STYX: variants seen among roughly 807,000 people sequenced by gnomAD.
STYX encodes serine/threonine/tyrosine interacting protein, also known as serine/threonine/tyrosine-interacting protein.
STYX carries 20 observed loss-of-function variants against 42.7 expected under a neutral mutation model. The observed-to-expected ratio is 0.47, with a 90% CI of 0.33 to 0.68. The LOEUF (loss-of-function observed/expected upper bound fraction) is 0.68. Among genes scored for constraint, STYX ranks in the 30% least tolerant of loss-of-function variants. STYX has a pLI of 0.02. For missense variants in STYX, 226 were observed against 268.5 expected (o/e 0.84, Z 1.11); for synonymous variants, 78 against 81.9 (o/e 0.95, Z 0.26).
At chr14:52,731,137 G>T (rs79946579) in intron 1 of STYX, among the ~76,000 whole-genome samples, 3,466 of 152,212 alleles carry the variant, frequency 0.023, 63 homozygotes, top group South Asian at 0.053. Context: ...TTTCTAATTT[G>T]TGGCTATTTT....
chr14:52,773,591 GC>G lies in STYX; in HGVS notation c.*2487del, dbSNP rs1882606969. On this transcript the variant is annotated 3_prime_UTR_variant, in exon 11 of 11. Coordinates refer to ENST00000354586, the MANE Select transcript of STYX (RefSeq NM_145251.4). The stretch of plus-strand genomic sequence containing the variant: ...GACCTCAAGTGATCCACCCACCTCG[GC>G]CTCCCAAAGTGCTGGGATTACAGGC... 1 of 152,054 alleles carries G rather than the reference GC, an allele frequency of 6.6e-6. No individual in the cohort carries two copies. The highest frequency in any genetic ancestry group is 2.4e-5 in the African/African-American group (1 of 41,394). 9.4% of individuals were successfully genotyped at this position (152,054 alleles called of 1,614,324 possible).
chr14:52,730,461 C>T lies in STYX; in HGVS notation c.-14C>T, dbSNP rs577711867. ...CACTCTCCCACCCCACCCACCAGCCCGCGGGCCAGCACCATGGAGGACGTG... is the reference window on the plus strand; with the variant it reads ...CACTCTCCCACCCCACCCACCAGCCTGCGGGCCAGCACCATGGAGGACGTG... On this transcript the variant is annotated 5_prime_UTR_variant, in exon 1 of 11. Transcript: ENST00000354586. 6.2e-7 allele frequency: 1 copy of T among 1,613,226 alleles called. No homozygotes were observed. The highest frequency in any genetic ancestry group is 8.5e-7 in the Non-Finnish European group (1 of 1,179,710).
At chr14:52,753,620 T>C (rs1057376097) in intron 4 of STYX, among the ~76,000 whole-genome samples, 2 of 152,204 alleles carry the variant, frequency 1.3e-5, no homozygotes, top group Non-Finnish European at 2.9e-5. Context: ...CCTGTGCACA[T>C]TCTCTCATAT....
At chr14:52,755,523 A>G (rs1314977679) in intron 4 of STYX, among the ~76,000 whole-genome samples, 1 of 152,216 alleles carries the variant, frequency 6.6e-6, no homozygotes, top group African/African-American at 2.4e-5. Flanking sequence ...TCTTAAAACT[A>G]ATTTAATAAC....
At chr14:52,749,070 C>T (rs555255360) in intron 3 of STYX, among the ~76,000 whole-genome samples, 15 of 152,330 alleles carry the variant, frequency 9.8e-5, no homozygotes, top group Admixed American at 3.3e-4. Flanking sequence ...AAACAACAGA[C>T]GATTATTTGA....
chr14:52,753,215 A>T (rs192779463), intron 4 of STYX, among the ~76,000 whole-genome samples: 128 of 151,582 alleles, frequency 8.4e-4, no homozygotes, highest in Non-Finnish European at 1.5e-3. Context: ...ACTCCCAGAT[A>T]ATTTTTTTTG....
rs36115577 is a variant in STYX, at chr14:52,774,591, A to ATTTTTTTTTTTTT, written c.*3490_*3502dup. On this transcript the variant is annotated 3_prime_UTR_variant, in exon 11 of 11. Coordinates refer to ENST00000354586, the MANE Select transcript of STYX (RefSeq NM_145251.4). Reference sequence around the variant, plus strand: ...GTCTCTAGGGTCTTTGAATGCTGGAATTTTTTTTTTTTTTTTTGTCTTTCC... The same window carrying ATTTTTTTTTTTTT: ...GTCTCTAGGGTCTTTGAATGCTGGAATTTTTTTTTTTTTTTTTTTTTTTTTTTTTTGTCTTTCC... 3 of 136,264 alleles carry ATTTTTTTTTTTTT rather than the reference A, an allele frequency of 2.2e-5. No homozygotes were observed. The highest frequency in any genetic ancestry group is 2.7e-5 in the African/African-American group (1 of 37,052). 8.4% of individuals were successfully genotyped at this position (136,264 alleles called of 1,614,324 possible). A position where few individuals can be genotyped will look rare whatever the true frequency, so the allele number is the denominator to read the frequency against.
At chr14:52,746,383 T>C in intron 2 of STYX, 43 bp from the exon 3 acceptor site, 1 of 1,476,708 alleles carries the variant, frequency 6.8e-7, no homozygotes, top group South Asian at 1.2e-5. Flanking sequence ...CCTTATAGAT[T>C]TAAATTGCTG....
Position 52,771,250 on chromosome 14 carries a change from T to C in STYX, c.*144T>C. 1 of 660,806 alleles carries C rather than the reference T, an allele frequency of 1.5e-6. No homozygotes were observed. The highest frequency in any genetic ancestry group is 2.5e-6 in the Non-Finnish European group (1 of 406,312). 40.9% of individuals were successfully genotyped at this position (660,806 alleles called of 1,614,324 possible). A position where few individuals can be genotyped will look rare whatever the true frequency, so the allele number is the denominator to read the frequency against. ...CCAGACATACTTCTCTGCAACTTGTTGAGCAACATTTTAAGATGTTGGACT... is the reference window on the plus strand; with the variant it reads ...CCAGACATACTTCTCTGCAACTTGTCGAGCAACATTTTAAGATGTTGGACT... On this transcript the variant is annotated 3_prime_UTR_variant, in exon 11 of 11. Transcript: ENST00000354586.
rs1479883874 is a variant in STYX, at chr14:52,755,128, T to TG, written c.243-1423_243-1422insG. 2.5e-3 allele frequency among the ~76,000 whole-genome samples: 376 copies of TG among 150,954 alleles called. 3 individuals are homozygous for TG. The highest frequency in any genetic ancestry group is 8.1e-3 in the African/African-American group (333 of 41,142). On this transcript the variant is annotated intron_variant, in intron 4 of 10. Coordinates refer to ENST00000354586, the MANE Select transcript of STYX (RefSeq NM_145251.4). ...TTTTTTGTTTGTTTTTTTGTTTTTT[T>TG]TTTTTTGTTTTTGAAACAGAGTCTT...
chr14:52,774,989 A>T lies in STYX; in HGVS notation c.*3883A>T, dbSNP rs1040977953. ...ACTGCTGTGCCATTATACCTCCAAA[A>T]TATTGAAAAGCTCATTCATACTGCT... On this transcript the variant is annotated 3_prime_UTR_variant, in exon 11 of 11. Coordinates refer to ENST00000354586, the MANE Select transcript of STYX (RefSeq NM_145251.4). The T allele has an allele frequency of 1.4e-4, 21 of 152,194 alleles. No homozygotes were observed. Among genetic ancestry groups the T allele is most frequent in the African/African-American group, 1.9e-4 (8 of 41,452 alleles). The allele number at this position is 152,194 out of a possible 1,614,324, so 9.4% of individuals were successfully genotyped here. A position where few individuals can be genotyped will look rare whatever the true frequency, so the allele number is the denominator to read the frequency against.
chr14:52,769,802 T>C (rs954992018), intron 10 of STYX, among the ~76,000 whole-genome samples: 2 of 152,116 alleles, frequency 1.3e-5, no homozygotes, highest in Admixed American at 6.6e-5. Flanking sequence ...TCTTGTTATT[T>C]GGTCTGTTCT....
intron 10 of STYX, among the ~76,000 whole-genome samples, chr14:52,769,153 C>T (rs758133524): frequency 2.6e-5 from 4 of 152,030 alleles, no homozygotes; most frequent in Non-Finnish European, 5.9e-5. Flanking sequence ...TAAAATAATA[C>T]GAATCTGGAG....
intron 1 of STYX, among the ~76,000 whole-genome samples, chr14:52,739,863 T>A (rs1005929265): frequency 1.3e-5 from 2 of 152,010 alleles, no homozygotes; most frequent in African/African-American, 4.8e-5. Context: ...AGGCTGGTCT[T>A]GAACTCGGGC....
chr14:52,768,723 T>C, intron 9 of STYX, 117 bp from the exon 10 acceptor site: 1 of 618,240 alleles, frequency 1.6e-6, no homozygotes, highest in South Asian at 3.5e-5. Context: ...TCAAACAATA[T>C]GGCACTAGAT....
chr14:52,746,317 G>C, intron 2 of STYX, 109 bp from the exon 3 acceptor site: 1 of 706,626 alleles, frequency 1.4e-6, no homozygotes, highest in East Asian at 3.2e-5. Context: ...TTCCAATCTT[G>C]TTGTATCTTG....
intron 8 of STYX, 98 bp from the exon 9 acceptor site, chr14:52,759,584 C>T: frequency 1.3e-6 from 1 of 798,866 alleles, no homozygotes; most frequent in Non-Finnish European, 2.1e-6. Flanking sequence ...CATGCTTTTT[C>T]CATTACAACT....
intron 9 of STYX, among the ~76,000 whole-genome samples, chr14:52,760,782 T>C (rs1882059361): frequency 1.3e-5 from 2 of 152,128 alleles, no homozygotes; most frequent in Admixed American, 1.3e-4. Flanking sequence ...TAGAAAACAT[T>C]GTTTTTTTTC....
At chr14:52,744,714 G>T in intron 1 of STYX, 138 bp from the exon 2 acceptor site, 2 of 744,894 alleles carry the variant, frequency 2.7e-6, no homozygotes. Flanking sequence ...GTGAAACCAA[G>T]TCTGCTATTT....
Sources: gnomAD v4.1 joint callset for allele counts (sites outside exome capture counted in the v4.1 genomes callset) on GRCh38, gnomAD v4.1.1 for gene constraint, MANE v1.5 for transcripts, NCBI Gene and HGNC (gene_info 2026-07-23, HGNC 2026-07-21) for gene names.